The following ANKRD46 variants were observed in gnomAD, a reference collection of about 807,000 sequenced individuals.
ANKRD46 encodes the protein ankyrin repeat domain-containing protein 46.
Under a neutral mutation model 19.8 loss-of-function variants are expected in ANKRD46, and 13 were observed. The observed-to-expected ratio is 0.66, with a 90% CI of 0.43 to 1.04. ANKRD46 has a LOEUF of 1.04. Ranked by LOEUF, ANKRD46 falls within the 50% of genes least tolerant of loss-of-function variation. ANKRD46 has a pLI of 0.00. For synonymous variants in ANKRD46, 91 were observed against 106.9 expected (o/e 0.85, Z 0.92); for missense variants, 185 against 274.8 (o/e 0.67, Z 2.31).
rs1812359841 is a variant in ANKRD46 at position 100,550,414 on chromosome 8, T to C, written c.-131+9297A>G. 1 of 152,390 alleles carries C rather than the reference T, an allele frequency of 6.6e-6. No homozygotes were observed. The highest frequency in any genetic ancestry group is 2.4e-5 in the African/African-American group (1 of 41,452). The allele number at this position is 152,390 out of a possible 1,614,324, so 9.4% of individuals were successfully genotyped here. ...TTTAATTTGCATTTCCCTGATGACA[T>C]ATGACGTGGAGCATCTTTTTCATAT... On this transcript the variant is annotated intron_variant, in intron 1 of 4. Transcript: ENST00000335659. This position sits in a 1 kb window ranked among gnomAD's most constrained non-coding sequence, Gnocchi z 4.4.
intron 5 of ANKRD46, among the ~76,000 whole-genome samples, chr8:100,512,014 G>A (rs922883642): frequency 1.6e-4 from 25 of 152,184 alleles, no homozygotes; most frequent in Admixed American, 2.0e-4. Context: ...GACACAGTGA[G>A]ACTCCATCTT....
In ANKRD46 at chr8:100,557,446, C is replaced by A. The variant is rs1054057008; in HGVS notation, c.-131+2265G>T. Among the ~76,000 whole-genome samples the A allele has an allele frequency of 6.6e-6, 1 of 152,228 alleles. No homozygotes were observed. Among genetic ancestry groups the A allele is most frequent in the Non-Finnish European group, 1.5e-5 (1 of 68,034 alleles). The stretch of plus-strand genomic sequence containing the variant: ...TCTAAGCCACCATTCTCTCTGGCTT[C>A]AATTACTGCATCAACCTAACAGGTC... On this transcript the variant is annotated intron_variant, in intron 1 of 4. Coordinates refer to ENST00000335659, the MANE Select transcript of ANKRD46 (RefSeq NM_001270377.2). The surrounding 1 kb of genome is among the most constrained non-coding windows in gnomAD (Gnocchi z 5.9).
rs757323045 is a variant in ANKRD46, at chr8:100,522,054, A to G, written c.*501T>C. The G allele has an allele frequency of 2.4e-5, 24 of 986,694 alleles. No individual in the cohort carries two copies. Among genetic ancestry groups the G allele is most frequent in the African/African-American group, 3.5e-5 (2 of 57,242 alleles). The allele number at this position is 986,694 out of a possible 1,614,324, so 61.1% of individuals were successfully genotyped here. ...AGCCAAATAGATGCTAACAATACTA[A>G]TTTGCACACAAGATTTGAAAAAAGT... On this transcript the variant is annotated 3_prime_UTR_variant, in exon 5 of 5. Transcript: ENST00000335659.
intron 5 of ANKRD46, among the ~76,000 whole-genome samples, chr8:100,514,955 T>C (rs7826332): frequency 0.43 from 65,455 of 152,024 alleles, 14,311 homozygotes; most frequent in Non-Finnish European, 0.47. Flanking sequence ...CCCCCATCTT[T>C]ACACATATTT....
chr8:100,535,774 A>C (rs1812053745), intron 1 of ANKRD46, among the ~76,000 whole-genome samples: 1 of 152,218 alleles, frequency 6.6e-6, no homozygotes, highest in African/African-American at 2.4e-5. Flanking sequence ...ATTCCGTGGC[A>C]TGGGTGTACC....
chr8:100,528,110 T>C (rs763965418), intron 3 of ANKRD46, 107 bp from the exon 4 acceptor site: 102 of 1,251,398 alleles, frequency 8.2e-5, no homozygotes, highest in Non-Finnish European at 1.0e-4. Flanking sequence ...TAGATCTCAG[T>C]GAAGAAAGAA....
chr8:100,513,843 G>A (rs921894976), intron 5 of ANKRD46, among the ~76,000 whole-genome samples: 1 of 152,192 alleles, frequency 6.6e-6, no homozygotes, highest in Non-Finnish European at 1.5e-5. Context: ...GACTGTGCTG[G>A]TGGAATTGTA....
At chr8:100,523,613 G>A (rs1351959693) in intron 4 of ANKRD46, among the ~76,000 whole-genome samples, 3 of 151,884 alleles carry the variant, frequency 2.0e-5, no homozygotes, top group Middle Eastern at 3.2e-3. Flanking sequence ...TCCTCAGCCT[G>A]TTGTACATGT....
chr8:100,528,582 A>T (rs1811892396), intron 3 of ANKRD46, among the ~76,000 whole-genome samples: 1 of 151,676 alleles, frequency 6.6e-6, no homozygotes, highest in African/African-American at 2.4e-5. Context: ...AAAAGTGGAT[A>T]AATCTAGTTC....
intron 1 of ANKRD46, among the ~76,000 whole-genome samples, chr8:100,541,780 G>T (rs1812180099): frequency 1.3e-5 from 2 of 152,130 alleles, no homozygotes; most frequent in African/African-American, 4.8e-5. Flanking sequence ...TTTGGTCAAC[G>T]ACGGACTGCA....
In ANKRD46 at chr8:100,543,446, C is replaced by T. The variant is rs1218901015; in HGVS notation, c.-130-10135G>A. On this transcript the variant is annotated intron_variant, in intron 1 of 4. Transcript: ENST00000335659. This position sits in a 1 kb window ranked among gnomAD's most constrained non-coding sequence, Gnocchi z 4.2. ...ATGACTTGTAGATAGGAGCAGGACA[C>T]AATATAAAACTGTTAAGAACTTGTT... Among the ~76,000 whole-genome samples, 1 of 152,112 alleles carries T rather than the reference C, an allele frequency of 6.6e-6. No individual in the cohort carries two copies. The highest frequency in any genetic ancestry group is 1.5e-5 in the Non-Finnish European group (1 of 68,002).
Position 100,539,298 on chromosome 8 carries a change from A to G in ANKRD46, c.-130-5987T>C, listed in dbSNP as rs933626794. On this transcript the variant is annotated intron_variant, in intron 1 of 4. Transcript: ENST00000335659. ...TTTTAGTGATCTGTCCTAAATAAAG[A>G]TAAAATATGTGAATATTTATTTGGA... is the stretch of plus-strand genomic sequence containing the variant. Among the ~76,000 whole-genome samples the G allele has an allele frequency of 4.6e-5, 7 of 152,374 alleles. No individual in the cohort carries two copies. In the South Asian group the frequency reaches 1.2e-3, roughly 27 times the overall value.
chr8:100,520,758 A>AAAAG (rs1811707481), downstream of ANKRD46: 1 of 962,098 alleles, frequency 1.0e-6, no homozygotes, highest in Non-Finnish European at 1.2e-6. Context: ...AAAAAAAAAA[A>AAAAG]AGAGAAATCG....
Position 100,546,960 on chromosome 8 carries a change from C to G in ANKRD46, c.-131+12751G>C, listed in dbSNP as rs1456821306. 1.3e-5 allele frequency among the ~76,000 whole-genome samples: 2 copies of G among 152,230 alleles called. No individual in the cohort carries two copies. The highest frequency in any genetic ancestry group is 4.8e-5 in the African/African-American group (2 of 41,470). On this transcript the variant is annotated intron_variant, in intron 1 of 4. Coordinates refer to ENST00000335659, the MANE Select transcript of ANKRD46 (RefSeq NM_001270377.2). This position sits in a 1 kb window ranked among gnomAD's most constrained non-coding sequence, Gnocchi z 4.0. ...CAATTTCTCCCATTTGGAATGGGAGCATTTACCCAATGCCTGTGCCCTCAT... is the reference window on the plus strand; with the variant it reads ...CAATTTCTCCCATTTGGAATGGGAGGATTTACCCAATGCCTGTGCCCTCAT...
rs1811737904 is a variant in ANKRD46, at chr8:100,522,216, A to C, written c.*339T>G. 1.9e-6 allele frequency: 2 copies of C among 1,062,802 alleles called. No homozygotes were observed. The highest frequency in any genetic ancestry group is 9.6e-5 in the Admixed American group (2 of 20,886). 65.8% of individuals were successfully genotyped at this position (1,062,802 alleles called of 1,614,324 possible). On this transcript the variant is annotated 3_prime_UTR_variant, in exon 5 of 5. Transcript: ENST00000335659. Reference sequence around the variant, plus strand: ...CTTTTTGAATACTTCAATTGGTCCTATATTAGGATAAGGTTTTGATAGCAA... The same window carrying C: ...CTTTTTGAATACTTCAATTGGTCCTCTATTAGGATAAGGTTTTGATAGCAA...
rs1163023308 is a variant in ANKRD46 at position 100,527,331 on chromosome 8, G to A, written c.470+514C>T. 6.6e-6 allele frequency among the ~76,000 whole-genome samples: 1 copy of A among 152,132 alleles called. No individual in the cohort carries two copies. Among genetic ancestry groups the A allele is most frequent in the Non-Finnish European group, 1.5e-5 (1 of 68,028 alleles). ...CCCTCTCTTGTTTTCTTGTTTCTCA[G>A]CATTCCACTTCCCTACCCTTGAAAC... is the stretch of plus-strand genomic sequence containing the variant. On this transcript the variant is annotated intron_variant, in intron 4 of 4. Coordinates refer to ENST00000335659, the MANE Select transcript of ANKRD46 (RefSeq NM_001270377.2). This position sits in a 1 kb window ranked among gnomAD's most constrained non-coding sequence, Gnocchi z 4.0.
At position 100,529,662 on chromosome 8, in the gene ANKRD46, C is replaced by G. The variant is rs1372000588; in HGVS notation, c.172G>C (p.Val58Leu). ...TTATGCAGTAACTGGCAGATGTCTA[C>G]ATTCCCTCGAGCTGCTGCAAGGTGA... is the stretch of plus-strand genomic sequence containing the variant. Reference protein sequence around the residue: ...GLHLAAARGNVDICQLLHKFG... With the variant: ...GLHLAAARGNLDICQLLHKFG... The change falls in exon 3 of 5, where the codon GTA (valine) becomes CTA (leucine). Residue 58 changes from valine (V) to leucine (L), a missense_variant. Val to Leu is a conservative substitution (Grantham distance 32). Transcript: ENST00000335659. The surrounding 1 kb of genome is among the most constrained non-coding windows in gnomAD (Gnocchi z 5.8). 1 of 1,614,130 alleles carries G rather than the reference C, an allele frequency of 6.2e-7. No individual in the cohort carries two copies. Among genetic ancestry groups the G allele is most frequent in the African/African-American group, 1.3e-5 (1 of 74,940 alleles).
chr8:100,528,908 G>A (rs1380628608), intron 3 of ANKRD46, among the ~76,000 whole-genome samples: 6 of 152,240 alleles, frequency 3.9e-5, no homozygotes, highest in Non-Finnish European at 8.8e-5. Context: ...AAAAAGCAGA[G>A]TATCACTAAA....
In ANKRD46 at chr8:100,524,279, C is replaced by T. The variant is rs777142039; in HGVS notation, c.471-1508G>A. 6.6e-5 allele frequency among the ~76,000 whole-genome samples: 10 copies of T among 152,180 alleles called. No homozygotes were observed. The highest frequency in any genetic ancestry group is 1.0e-4 in the Non-Finnish European group (7 of 68,038). On this transcript the variant is annotated intron_variant, in intron 4 of 4. Transcript: ENST00000335659. The surrounding 1 kb of genome is among the most constrained non-coding windows in gnomAD (Gnocchi z 4.3). ...TAGGAATCAACTATCTACTGGTTATCAAAGTTCATTACTATCCTTCCTAAC... is the reference window on the plus strand; with the variant it reads ...TAGGAATCAACTATCTACTGGTTATTAAAGTTCATTACTATCCTTCCTAAC...
Sources: gnomAD v4.1 joint callset for allele counts (sites outside exome capture counted in the v4.1 genomes callset) on GRCh38, gnomAD v4.1.1 for gene constraint, Gnocchi (gnomAD v3.1) non-coding constraint, MANE v1.5 for transcripts, NCBI Gene and HGNC (gene_info 2026-07-23, HGNC 2026-07-21) for gene names.